Variants in MRRF observed in about 807,000 individuals in gnomAD.
MRRF encodes the protein mitochondrial ribosome recycling factor.
MRRF carries 18 observed loss-of-function variants against 25.1 expected under a neutral mutation model. The observed-to-expected ratio is 0.72, with a 90% CI of 0.50 to 1.06. The LOEUF is 1.06. Ranked by LOEUF, MRRF falls within the 50% of genes least tolerant of loss-of-function variation. The pLI is 0.00. For missense variants in MRRF, 323 were observed against 319.3 expected, an observed-to-expected ratio of 1.01 and a Z score of -0.09; for synonymous variants, 113 against 112.1, an observed-to-expected ratio of 1.01 and a Z score of -0.05.
At position 122,329,623 on chromosome 9, in the gene MRRF, C is replaced by T. The variant is rs1321931951; in HGVS notation, c.*7006C>T. On this transcript the variant is annotated 3_prime_UTR_variant, in exon 7 of 7. Transcript: ENST00000344641. ...TGGGAGCCACTTTTGCCTCCCTGTC[C>T]CTCTCCCCTCATCCAATAAGTCACC... 2 of 152,338 alleles carry T rather than the reference C, an allele frequency of 1.3e-5. No homozygotes were observed. The highest frequency in any genetic ancestry group is 1.9e-4 in the East Asian group (1 of 5,184). The allele number at this position is 152,338 out of a possible 1,614,324, so 9.4% of individuals were successfully genotyped here. A position where few individuals can be genotyped will look rare whatever the true frequency, so the allele number is the denominator to read the frequency against.
intron 6 of MRRF, among the ~76,000 whole-genome samples, 165 bp downstream of exon 6, chr9:122,313,551 G>A (rs770220742): frequency 9.9e-5 from 15 of 152,202 alleles, no homozygotes; most frequent in Non-Finnish European, 1.8e-4. Flanking sequence ...CAGATTCAGA[G>A]GGATCCATAG....
At chr9:122,302,785 A>G (rs936270562) in intron 5 of MRRF, among the ~76,000 whole-genome samples, 3 of 152,142 alleles carry the variant, frequency 2.0e-5, no homozygotes, top group Non-Finnish European at 4.4e-5. Context: ...TAACTTTTTG[A>G]GGAACTTCCA....
At chr9:122,293,475 A>G (rs1181467813) in intron 5 of MRRF, among the ~76,000 whole-genome samples, 1 of 152,192 alleles carries the variant, frequency 6.6e-6, no homozygotes, top group African/African-American at 2.4e-5. Flanking sequence ...CCAACACGGG[A>G]GTCCAGAAAC....
intron 3 of MRRF, among the ~76,000 whole-genome samples, chr9:122,280,908 A>G (rs983751135): frequency 1.3e-5 from 2 of 152,226 alleles, no homozygotes; most frequent in Admixed American, 6.5e-5. Context: ...ATAGTAGTAA[A>G]CAAAAATAGG....
In MRRF at chr9:122,313,392, A is replaced by C. The variant is rs1355706450; in HGVS notation, c.711+6A>C. ...TTAGGCTAATAGAGAAACAGGTACT[A>C]TTGCCAGCAATGTAGTAGTGTCTGT... On this transcript the variant is annotated splice_donor_region_variant and intron_variant, in intron 6 of 6. Transcript: ENST00000344641. The C allele has an allele frequency of 6.2e-7, 1 of 1,613,656 alleles. No individual in the cohort carries two copies. Among genetic ancestry groups the C allele is most frequent in the Non-Finnish European group, 8.5e-7 (1 of 1,179,544 alleles).
intron 3 of MRRF, among the ~76,000 whole-genome samples, chr9:122,283,542 A>G (rs2118719170): frequency 6.6e-6 from 1 of 152,322 alleles, no homozygotes; most frequent in African/African-American, 2.4e-5. Context: ...AAAGACTTTT[A>G]CCATTATACC....
intron 1 of MRRF, among the ~76,000 whole-genome samples, chr9:122,266,876 A>G (rs1832131921): frequency 6.6e-6 from 1 of 151,696 alleles, no homozygotes; most frequent in Admixed American, 6.6e-5. Context: ...GGTCGAGACC[A>G]TCCTGGCTAA....
At chr9:122,281,388 G>C (rs2118694582) in intron 3 of MRRF, among the ~76,000 whole-genome samples, 1 of 152,322 alleles carries the variant, frequency 6.6e-6, no homozygotes, top group Admixed American at 6.5e-5. Flanking sequence ...ATCTTGATTA[G>C]GATAGTTCAT....
chr9:122,265,490 G>A, intron 1 of MRRF: 1 of 334,098 alleles, frequency 3.0e-6, no homozygotes, highest in South Asian at 2.3e-5. Context: ...GAGTTTGACC[G>A]ATTTAAGGTC....
rs906856347 is a variant in MRRF, at chr9:122,328,979, C to T, written c.*6362C>T. On this transcript the variant is annotated 3_prime_UTR_variant, in exon 7 of 7. Coordinates refer to ENST00000344641, the MANE Select transcript of MRRF (RefSeq NM_138777.5). ...TGTGCCCGAAGATCCCTTTCTCTTA[C>T]ATTCCTTTCTTCTGGTCTGTGTTTC... 3.3e-5 allele frequency: 5 copies of T among 152,126 alleles called. No homozygotes were observed. The highest frequency in any genetic ancestry group is 5.9e-5 in the Non-Finnish European group (4 of 68,036). The allele number at this position is 152,126 out of a possible 1,614,324, so 9.4% of individuals were successfully genotyped here.
chr9:122,298,460 T>C (rs185558030), intron 5 of MRRF, among the ~76,000 whole-genome samples: 20 of 152,302 alleles, frequency 1.3e-4, no homozygotes, highest in Non-Finnish European at 2.4e-4. Flanking sequence ...TTGACAGATA[T>C]ATGTGTCCCT....
chr9:122,299,492 A>G (rs1405549878), intron 5 of MRRF, among the ~76,000 whole-genome samples: 1 of 152,080 alleles, frequency 6.6e-6, no homozygotes, highest in African/African-American at 2.4e-5. Flanking sequence ...GCTGTTGGAT[A>G]TATGGACCTG....
chr9:122,315,367 TA>T (rs965160488), intron 6 of MRRF, among the ~76,000 whole-genome samples: 1 of 152,194 alleles, frequency 6.6e-6, no homozygotes, highest in African/African-American at 2.4e-5. Context: ...AGAAGCCTGG[TA>T]ATGTACCTGT....
In MRRF at chr9:122,327,078, C is replaced by G. The variant is rs1212936443; in HGVS notation, c.*4461C>G. On this transcript the variant is annotated 3_prime_UTR_variant, in exon 7 of 7. Coordinates refer to ENST00000344641, the MANE Select transcript of MRRF (RefSeq NM_138777.5). ...TTGCTTTCATAAAACACATAGCAAG[C>G]TGTTCCTAATTAATGACTGCAAGTA... The G allele has an allele frequency of 6.6e-6, 1 of 152,198 alleles. No individual in the cohort carries two copies. Among genetic ancestry groups the G allele is most frequent in the Non-Finnish European group, 1.5e-5 (1 of 68,038 alleles). 9.4% of individuals were successfully genotyped at this position (152,198 alleles called of 1,614,324 possible).
Position 122,326,809 on chromosome 9 carries a change from T to A in MRRF, c.*4192T>A, listed in dbSNP as rs1836155844. ...CCACATTGAAACTTCTGATGAATCC[T>A]TGTTAATGTAGGTGTTATGATTATC... is the stretch of plus-strand genomic sequence containing the variant. On this transcript the variant is annotated 3_prime_UTR_variant, in exon 7 of 7. Transcript: ENST00000344641. 6.6e-6 allele frequency: 1 copy of A among 152,258 alleles called. No homozygotes were observed. The highest frequency in any genetic ancestry group is 1.5e-5 in the Non-Finnish European group (1 of 68,040). The allele number at this position is 152,258 out of a possible 1,614,324, so 9.4% of individuals were successfully genotyped here.
chr9:122,297,528 T>C (rs1460287159), intron 5 of MRRF, among the ~76,000 whole-genome samples: 1 of 152,166 alleles, frequency 6.6e-6, no homozygotes, highest in Non-Finnish European at 1.5e-5. Flanking sequence ...TCTTCCTCAC[T>C]CTTTTTCTAA....
chr9:122,285,643 C>A, intron 4 of MRRF: 1 of 674,082 alleles, frequency 1.5e-6, no homozygotes, highest in Non-Finnish European at 2.2e-6. Flanking sequence ...TGATCATTGC[C>A]AGGCACAATG....
rs1334733376 is a variant in MRRF, at chr9:122,264,915, C to G, written c.-52C>G. 2.6e-5 allele frequency: 4 copies of G among 153,252 alleles called. No homozygotes were observed. Among genetic ancestry groups the G allele is most frequent in the Non-Finnish European group, 5.9e-5 (4 of 68,134 alleles). The allele number at this position is 153,252 out of a possible 1,614,324, so 9.5% of individuals were successfully genotyped here. A position where few individuals can be genotyped will look rare whatever the true frequency, so the allele number is the denominator to read the frequency against. ...GGTCGCCGCCGTCGCACGAGTCTTT[C>G]CTTAGTAACCTGGGCGATAGCTGGT... On this transcript the variant is annotated 5_prime_UTR_variant, in exon 1 of 7. Transcript: ENST00000344641.
chr9:122,305,410 C>CAAA (rs371802454), intron 5 of MRRF, among the ~76,000 whole-genome samples: 2 of 65,742 alleles, frequency 3.0e-5, no homozygotes, highest in Non-Finnish European at 3.1e-5. Flanking sequence ...AGACTCATCT[C>CAAA]AAAAAAAAAA....
Sources: gnomAD v4.1 joint callset for allele counts (sites outside exome capture counted in the v4.1 genomes callset) on GRCh38, gnomAD v4.1.1 for gene constraint, MANE v1.5 for transcripts, NCBI Gene and HGNC (gene_info 2026-07-23, HGNC 2026-07-21) for gene names.